The following HS6ST3 variants were observed in gnomAD, a reference collection of about 807,000 sequenced individuals.
HS6ST3 encodes heparan-sulfate 6-O-sulfotransferase 3.
Under a neutral mutation model 36.7 loss-of-function variants are expected in HS6ST3, and 12 were observed. That is an observed-to-expected ratio of 0.33 (90% confidence interval 0.21 to 0.53). HS6ST3 has a LOEUF of 0.53. HS6ST3 is among the 20% of genes least tolerant of loss of function. The pLI is 0.95. For missense variants in HS6ST3, 584 were observed against 640.9 expected (o/e 0.91, Z 0.96); for synonymous variants, 240 against 257.5 (o/e 0.93, Z 0.65).
intron 1 of HS6ST3, among the ~76,000 whole-genome samples, chr13:96,289,990 ATG>A: frequency 6.6e-6 from 1 of 152,240 alleles, no homozygotes; most frequent in East Asian, 1.9e-4. Context: ...CCCTTCTCAA[ATG>A]AGCTGCAAGG....
chr13:96,335,664 C>T (rs955603473), intron 1 of HS6ST3, among the ~76,000 whole-genome samples: 17 of 152,200 alleles, frequency 1.1e-4, no homozygotes, highest in African/African-American at 4.1e-4. Context: ...CTGCAGTTGA[C>T]TAAGGTACCC....
intron 1 of HS6ST3, among the ~76,000 whole-genome samples, chr13:96,319,717 G>A (rs1431676203): frequency 6.6e-6 from 1 of 152,208 alleles, no homozygotes; most frequent in Non-Finnish European, 1.5e-5. Flanking sequence ...ACATTACAAT[G>A]TTAACACTAG....
chr13:96,294,001 G>A (rs1209647087), intron 1 of HS6ST3, among the ~76,000 whole-genome samples: 8 of 152,056 alleles, frequency 5.3e-5, no homozygotes, highest in Non-Finnish European at 8.8e-5. Context: ...GATCCATTGT[G>A]GCTTAGGGAG....
intron 1 of HS6ST3, among the ~76,000 whole-genome samples, chr13:96,298,316 G>A (rs1925116): frequency 0.55 from 84,056 of 152,102 alleles, 24,053 homozygotes; most frequent in African/African-American, 0.7. Flanking sequence ...ATGGTTTGGC[G>A]TGTGCACACA....
At chr13:96,677,712 A>G (rs1229530056) in intron 1 of HS6ST3, among the ~76,000 whole-genome samples, 1 of 152,112 alleles carries the variant, frequency 6.6e-6, no homozygotes, top group Non-Finnish European at 1.5e-5. Context: ...CTCTGCACTC[A>G]ATTCTTATAT....
intron 1 of HS6ST3, among the ~76,000 whole-genome samples, chr13:96,275,855 CTTT>C (rs766378075): frequency 2.1e-5 from 3 of 142,668 alleles, no homozygotes; most frequent in African/African-American, 2.6e-5. Context: ...CTCTGTCTCT[CTTT>C]TTTTTTTTTT....
rs1398634474 is a variant in HS6ST3, at chr13:96,316,771, C to T, written c.707+225202C>T. On this transcript the variant is annotated intron_variant, in intron 1 of 1. Coordinates refer to ENST00000376705, the MANE Select transcript of HS6ST3 (RefSeq NM_153456.4). ...ACATTTCTTCTCATATGAACAAACA[C>T]GCCTACCCCCTTTCTCTTTTCTCTC... Among the ~76,000 whole-genome samples the T allele has an allele frequency of 2.6e-5, 4 of 152,170 alleles. No homozygotes were observed. In the East Asian group the frequency reaches 5.8e-4, roughly 22 times the overall value.
chr13:96,198,784 C>G (rs1263962266), intron 1 of HS6ST3, among the ~76,000 whole-genome samples: 1 of 152,192 alleles, frequency 6.6e-6, no homozygotes, highest in African/African-American at 2.4e-5. Context: ...CCACACTTTC[C>G]CACATTTTTG....
chr13:96,467,151 A>T (rs1392255645), intron 1 of HS6ST3, among the ~76,000 whole-genome samples: 1 of 152,126 alleles, frequency 6.6e-6, no homozygotes, highest in Non-Finnish European at 1.5e-5. Flanking sequence ...TCACCATATC[A>T]TGTATACCGT....
chr13:96,285,987 C>T (rs543826672), intron 1 of HS6ST3, among the ~76,000 whole-genome samples: 2 of 148,616 alleles, frequency 1.3e-5, no homozygotes, highest in Non-Finnish European at 3.0e-5. Flanking sequence ...TCTTTCTCTC[C>T]CTCTTTCCCT....
intron 1 of HS6ST3, among the ~76,000 whole-genome samples, chr13:96,097,863 G>A (rs534304522): frequency 6.6e-6 from 1 of 152,300 alleles, no homozygotes; most frequent in East Asian, 1.9e-4. Context: ...CTGAATAAAT[G>A]TCGGCTTTTA....
intron 1 of HS6ST3, among the ~76,000 whole-genome samples, chr13:96,729,560 G>A (rs780286814): frequency 2.0e-5 from 3 of 152,042 alleles, no homozygotes; most frequent in Admixed American, 6.6e-5. Flanking sequence ...AGGTTCAAGC[G>A]ATTCTTCTGC....
At chr13:96,110,536 AC>A (rs1382897572) in intron 1 of HS6ST3, among the ~76,000 whole-genome samples, 2 of 150,362 alleles carry the variant, frequency 1.3e-5, no homozygotes, top group African/African-American at 4.9e-5. Flanking sequence ...TCCCAGGTTC[AC>A]ACCATTCTCC....
At chr13:96,459,684 C>T (rs897051695) in intron 1 of HS6ST3, among the ~76,000 whole-genome samples, 1 of 152,130 alleles carries the variant, frequency 6.6e-6, no homozygotes, top group South Asian at 2.1e-4. Flanking sequence ...GGTACAATTG[C>T]ATACATGTTC....
At chr13:96,236,959 G>A (rs565812008) in intron 1 of HS6ST3, among the ~76,000 whole-genome samples, 50 of 152,268 alleles carry the variant, frequency 3.3e-4, no homozygotes, top group Non-Finnish European at 4.4e-5. Flanking sequence ...CATGTGGCTG[G>A]GGAGGCCTCA....
Position 96,279,828 on chromosome 13 carries a change from G to A in HS6ST3, c.707+188259G>A, listed in dbSNP as rs898014704. On this transcript the variant is annotated intron_variant, in intron 1 of 1. Coordinates refer to ENST00000376705, the MANE Select transcript of HS6ST3 (RefSeq NM_153456.4). Reference sequence around the variant, plus strand: ...TGGCAATGTTTGGAGATTCTGAATTGCACCTATAGTTTGGTGTTCAGAGGT... The same window carrying A: ...TGGCAATGTTTGGAGATTCTGAATTACACCTATAGTTTGGTGTTCAGAGGT... Among the ~76,000 whole-genome samples the A allele has an allele frequency of 2.9e-4, 44 of 152,106 alleles. 1 individual carries two copies. Among genetic ancestry groups the A allele is most frequent in the Admixed American group, 2.9e-3 (44 of 15,264 alleles).
chr13:96,641,822 A>G (rs1283256554), intron 1 of HS6ST3, among the ~76,000 whole-genome samples: 1 of 151,898 alleles, frequency 6.6e-6, no homozygotes, highest in Admixed American at 6.6e-5. Context: ...CTGTTATTGT[A>G]AAAGAAATTA....
At chr13:96,718,499 A>T (rs1875759785) in intron 1 of HS6ST3, among the ~76,000 whole-genome samples, 1 of 152,202 alleles carries the variant, frequency 6.6e-6, no homozygotes, top group African/African-American at 2.4e-5. Context: ...GCAAAAAAGA[A>T]ATTGGATGCT....
chr13:96,099,988 A>G (rs994066257), intron 1 of HS6ST3, among the ~76,000 whole-genome samples: 3 of 152,206 alleles, frequency 2.0e-5, no homozygotes, highest in African/African-American at 7.2e-5. Context: ...GCCCCATAAT[A>G]TAGTAAAGAA....
Sources: allele counts gnomAD v4.1 joint callset (sites outside exome capture counted in the v4.1 genomes callset), GRCh38; gene constraint gnomAD v4.1.1; transcripts MANE v1.5; gene names NCBI Gene and HGNC (gene_info 2026-07-23, HGNC 2026-07-21).